Variants in FAM216A observed in about 807,000 individuals in gnomAD.
FAM216A encodes protein FAM216A.
Under a neutral mutation model 37.6 loss-of-function variants are expected in FAM216A, and 26 were observed. The ratio of observed to expected loss-of-function variants is 0.69; its 90% CI spans 0.51 to 0.96. FAM216A has a LOEUF of 0.96. Ranked by LOEUF, FAM216A falls within the 40% of genes least tolerant of loss-of-function variation. FAM216A has a pLI of 0.00. For missense variants in FAM216A, 326 were observed against 339.3 expected, an observed-to-expected ratio of 0.96 and a Z score of 0.31; for synonymous variants, 110 against 121.7, an observed-to-expected ratio of 0.90 and a Z score of 0.64.
At chr12:110,473,224 T>C (rs1200584083) in intron 2 of FAM216A, 106 bp downstream of exon 2, 2 of 523,880 alleles carry the variant, frequency 3.8e-6, no homozygotes. Flanking sequence ...TTTTTCTTTT[T>C]TTTTTGAGAT....
chr12:110,469,762 G>A (rs2062670472), intron 1 of FAM216A, among the ~76,000 whole-genome samples: 5 of 151,942 alleles, frequency 3.3e-5, no homozygotes, highest in Admixed American at 2.6e-4. Flanking sequence ...CGCCCGCCTC[G>A]GCCTCCCAAA....
intron 1 of FAM216A, among the ~76,000 whole-genome samples, chr12:110,472,604 G>T (rs565294110): frequency 7.9e-5 from 12 of 152,088 alleles, no homozygotes; most frequent in Admixed American, 5.9e-4. Flanking sequence ...GATTTAACCA[G>T]AATTATAGGA....
chr12:110,480,289 C>T (rs532392475), intron 2 of FAM216A, among the ~76,000 whole-genome samples: 2 of 148,802 alleles, frequency 1.3e-5, no homozygotes, highest in East Asian at 2.0e-4. Flanking sequence ...CTGCAAGCTC[C>T]ACCTCCCGGG....
upstream of FAM216A, chr12:110,468,434 G>A: frequency 1.3e-6 from 2 of 1,534,936 alleles, no homozygotes; most frequent in Middle Eastern, 1.7e-4. Context: ...AGTAGTTGAT[G>A]GAAATCGGCC....
chr12:110,469,357 G>A (rs890012875), intron 1 of FAM216A: 23 of 265,826 alleles, frequency 8.7e-5, no homozygotes, highest in African/African-American at 4.6e-4. Flanking sequence ...ACAGGACTGT[G>A]TGTCCACCGA....
chr12:110,470,345 G>A (rs888702338), intron 1 of FAM216A, among the ~76,000 whole-genome samples: 11 of 151,904 alleles, frequency 7.2e-5, no homozygotes, highest in African/African-American at 2.7e-4. Flanking sequence ...TGATCCGCCC[G>A]CATGGCCGTC....
chr12:110,475,999 AAGTGCTGGGATTACAG>A (rs2062712760), intron 2 of FAM216A, among the ~76,000 whole-genome samples: 1 of 152,032 alleles, frequency 6.6e-6, no homozygotes, highest in South Asian at 2.1e-4. Flanking sequence ...CGGCCTCCCA[AAGTGCTGGGATTACAG>A]GCGTGAGCCA....
At chr12:110,476,327 G>C (rs2062714371) in intron 2 of FAM216A, among the ~76,000 whole-genome samples, 1 of 151,662 alleles carries the variant, frequency 6.6e-6, no homozygotes, top group African/African-American at 2.4e-5. Flanking sequence ...AGCCTCCCGG[G>C]TAGCTGGGAC....
At chr12:110,468,753 C>A (rs1317850994), upstream of FAM216A, 1 of 1,481,518 alleles carries the variant, frequency 6.7e-7, no homozygotes. Context: ...CGGATCTGCC[C>A]GCCCCGCTCT....
At chr12:110,484,922 G>A (rs1286165124) in intron 2 of FAM216A, among the ~76,000 whole-genome samples, 156 bp from the exon 3 acceptor site, 2 of 151,956 alleles carry the variant, frequency 1.3e-5, no homozygotes, top group African/African-American at 2.4e-5. Flanking sequence ...GGATGGTCTC[G>A]ATCTCCTGAC....
intron 2 of FAM216A, among the ~76,000 whole-genome samples, chr12:110,484,223 C>T (rs529362896): frequency 2.0e-5 from 3 of 151,830 alleles, no homozygotes; most frequent in African/African-American, 4.8e-5. Context: ...GTCAGGAGAT[C>T]GAGACCATCC....
chr12:110,471,434 T>C (rs1167809759), intron 1 of FAM216A, among the ~76,000 whole-genome samples: 2 of 152,136 alleles, frequency 1.3e-5, no homozygotes, highest in African/African-American at 4.8e-5. Context: ...TTTACACAAA[T>C]TAAAGTCTTA....
chr12:110,468,556 G>C (rs573249870), upstream of FAM216A: 23 of 1,537,196 alleles, frequency 1.5e-5, no homozygotes, highest in East Asian at 2.4e-5. Flanking sequence ...CGTTTGACCT[G>C]TATGGTGACC....
chr12:110,474,495 GC>G (rs1385464974), intron 2 of FAM216A, among the ~76,000 whole-genome samples: 1 of 151,910 alleles, frequency 6.6e-6, no homozygotes, highest in East Asian at 1.9e-4. Flanking sequence ...TTCAAGACCA[GC>G]CTGACCAACA....
intron 2 of FAM216A, among the ~76,000 whole-genome samples, 168 bp downstream of exon 2, chr12:110,473,286 A>T (rs1015661850): frequency 6.6e-6 from 1 of 151,688 alleles, no homozygotes; most frequent in Non-Finnish European, 1.5e-5. Context: ...ATCTGGGCTC[A>T]CTGCAACCTC....
chr12:110,486,370 G>C lies in FAM216A; in HGVS notation c.352G>C (p.Ala118Pro). 1 of 1,613,946 alleles carries C rather than the reference G, an allele frequency of 6.2e-7. No individual in the cohort carries two copies. Among genetic ancestry groups the C allele is most frequent in the Non-Finnish European group, 8.5e-7 (1 of 1,179,920 alleles). Residue 118 changes from alanine (A) to proline (P), a missense_variant, in exon 4 of 7, where the codon GCT becomes CCT. Coordinates refer to ENST00000377673, the MANE Select transcript of FAM216A (RefSeq NM_013300.3). ...CCAGAAGCGTTACCTGTGCAGCATT[G>C]CTAAAATCTATAATGCAAACTATCT... ...TGQKRYLCSI[A>P]KIYNANYLKM...
At chr12:110,475,721 CAAAAAA>C (rs112122723) in intron 2 of FAM216A, among the ~76,000 whole-genome samples, 2 of 96,996 alleles carry the variant, frequency 2.1e-5, no homozygotes. Context: ...TCACCCCTGG[CAAAAAA>C]AAAAAAAAAA....
chr12:110,470,362 GTC>G (rs1338266363), intron 1 of FAM216A, among the ~76,000 whole-genome samples: 1 of 151,952 alleles, frequency 6.6e-6, no homozygotes, highest in East Asian at 1.9e-4. Flanking sequence ...CGTCCTTTTT[GTC>G]TCTGGTGCTA....
At chr12:110,487,710 C>T (rs549782042) in intron 5 of FAM216A, 151 bp from the exon 6 acceptor site, 6 of 641,516 alleles carry the variant, frequency 9.4e-6, no homozygotes, top group Non-Finnish European at 1.7e-5. Flanking sequence ...CTTTACATGT[C>T]AGGGTTAAGA....
Sources: gnomAD v4.1 joint callset for allele counts (sites outside exome capture counted in the v4.1 genomes callset) on GRCh38, gnomAD v4.1.1 for gene constraint, MANE v1.5 for transcripts, NCBI Gene and HGNC (gene_info 2026-07-23, HGNC 2026-07-21) for gene names.